Variants in CLVS1 observed in about 807,000 individuals in gnomAD.
CLVS1 encodes clavesin-1.
CLVS1 carries 10 observed loss-of-function variants against 33.1 expected under a neutral mutation model. That is an observed-to-expected ratio of 0.30 (90% CI 0.19 to 0.51). The LOEUF (loss-of-function observed/expected upper bound fraction) is 0.51, where lower values mean the gene tolerates loss of function less well. Among genes scored for constraint, CLVS1 ranks in the 20% least tolerant of loss-of-function variants. The pLI is 0.97. For synonymous variants in CLVS1, 163 were observed against 166.1 expected (o/e 0.98, Z 0.14); for missense variants, 343 against 433.4 (o/e 0.79, Z 1.85).
chr8:61,326,934 T>C (rs559715495), intron 2 of CLVS1, among the ~76,000 whole-genome samples: 16 of 152,340 alleles, frequency 1.1e-4, no homozygotes, highest in African/African-American at 3.6e-4. Context: ...TTTTATCTTT[T>C]AATTCTCAAA....
intron 3 of CLVS1, among the ~76,000 whole-genome samples, chr8:61,379,700 TTTATTAGG>T (rs1813787685): frequency 6.6e-6 from 1 of 152,168 alleles, no homozygotes; most frequent in Non-Finnish European, 1.5e-5. Context: ...ATGCCAAAGA[TTTATTAGG>T]TAGTGCTCTT....
intron 2 of CLVS1, among the ~76,000 whole-genome samples, chr8:61,271,914 C>A (rs1215328002): frequency 6.6e-6 from 1 of 151,694 alleles, no homozygotes; most frequent in African/African-American, 2.4e-5. Context: ...TGTGTCTCTG[C>A]ACGTGAGATG....
intron 1 of CLVS1, among the ~76,000 whole-genome samples, chr8:61,115,349 AT>A (rs1310971863): frequency 3.5e-5 from 5 of 144,744 alleles, no homozygotes; most frequent in African/African-American, 1.4e-4. Context: ...TTTTTATTTT[AT>A]TTTTATTTTT....
the CLVS1 span, among the ~76,000 whole-genome samples, chr8:60,983,086 G>C: frequency 2.0e-5 from 3 of 152,222 alleles, no homozygotes; most frequent in South Asian, 6.2e-4. Context: ...TTTCTTCCCT[G>C]AGGGCTTGAA....
intron 1 of CLVS1, among the ~76,000 whole-genome samples, chr8:61,118,584 T>C (rs1805791781): frequency 6.6e-6 from 1 of 151,622 alleles, no homozygotes; most frequent in Admixed American, 6.6e-5. Context: ...TTTGTTCTCA[T>C]TGGTTTCAAA....
At chr8:61,057,310 A>C (rs976211141) in intron 1 of CLVS1, 1 of 151,844 alleles carries the variant, frequency 6.6e-6, no homozygotes, top group African/African-American at 2.4e-5. Flanking sequence ...ATAAACAGCT[A>C]TCTACTCCAG....
At chr8:61,444,655 T>G (rs1359937105) in intron 3 of CLVS1, among the ~76,000 whole-genome samples, 2 of 152,146 alleles carry the variant, frequency 1.3e-5, no homozygotes, top group African/African-American at 4.8e-5. Flanking sequence ...CACTACAGAA[T>G]GGAGTCACAT....
At chr8:61,096,847 C>T (rs976581213) in intron 1 of CLVS1, among the ~76,000 whole-genome samples, 23 of 152,260 alleles carry the variant, frequency 1.5e-4, no homozygotes, top group African/African-American at 5.3e-4. Flanking sequence ...GTGATTCCTA[C>T]CCCTCACCCC....
At chr8:61,104,924 GT>G (rs1471563788) in intron 1 of CLVS1, among the ~76,000 whole-genome samples, 1 of 152,144 alleles carries the variant, frequency 6.6e-6, no homozygotes, top group Non-Finnish European at 1.5e-5. Flanking sequence ...CGACTCCTGG[GT>G]TCAAGCAATT....
At chr8:60,984,801 G>A in the CLVS1 span, among the ~76,000 whole-genome samples, 2 of 152,144 alleles carry the variant, frequency 1.3e-5, no homozygotes, top group African/African-American at 2.4e-5. Context: ...TTGTAGATGA[G>A]GAAATGGTGG....
In CLVS1 at chr8:61,339,988, AAG is replaced by A. The variant is rs201038960; in HGVS notation, c.456-36613_456-36612del. ...AGAAAGAAAGAGAAAGAAAGTGAAA[AAG>A]AGAAAATGAAAGAAAGGAAGAAAAA... On this transcript the variant is annotated intron_variant, in intron 2 of 5. Transcript: ENST00000325897. Among the ~76,000 whole-genome samples, 727 of 151,780 alleles carry A rather than the reference AAG, an allele frequency of 4.8e-3. 10 individuals carry two copies. The highest frequency in any genetic ancestry group is 0.017 in the African/African-American group (684 of 41,418).
chr8:61,468,373 T>A (rs1235885441), intron 5 of CLVS1, among the ~76,000 whole-genome samples: 1 of 152,180 alleles, frequency 6.6e-6, no homozygotes, highest in African/African-American at 2.4e-5. Flanking sequence ...TTAAAAAATG[T>A]TTGTTTGTTG....
At chr8:61,238,377 A>T (rs2129313680) in intron 2 of CLVS1, among the ~76,000 whole-genome samples, 1 of 149,088 alleles carries the variant, frequency 6.7e-6, no homozygotes, top group African/African-American at 2.5e-5. Context: ...CTTTCTTCTG[A>T]CTGTCCCTCT....
At chr8:61,147,155 CTTG>C (rs1359872770) in intron 2 of CLVS1, among the ~76,000 whole-genome samples, 1 of 152,166 alleles carries the variant, frequency 6.6e-6, no homozygotes, top group African/African-American at 2.4e-5. Context: ...ATTGAAAGTC[CTTG>C]TTGATGCTTC....
chr8:61,216,407 C>T (rs1327380168), intron 2 of CLVS1, among the ~76,000 whole-genome samples: 1 of 152,184 alleles, frequency 6.6e-6, no homozygotes, highest in Non-Finnish European at 1.5e-5. Flanking sequence ...TCTAGTCTGT[C>T]TGAAGGAAGG....
rs751759154 is a variant in CLVS1 at position 61,163,878 on chromosome 8, G to C, written c.-152+32018G>C. Among the ~76,000 whole-genome samples, 5 of 152,270 alleles carry C rather than the reference G, an allele frequency of 3.3e-5. No individual in the cohort carries two copies. In the East Asian group the frequency reaches 9.7e-4, roughly 29 times the overall value. On this transcript the variant is annotated intron_variant, in intron 2 of 2. Transcript: ENST00000522621. ...AAGTCAATGGCGTGTCTGCCATGGC[G>C]GCAAACAGCTGAGCAAAAGCTCAGC...
chr8:61,192,811 G>A (rs28792822), intron 2 of CLVS1, among the ~76,000 whole-genome samples: 3 of 152,128 alleles, frequency 2.0e-5, no homozygotes, highest in South Asian at 2.1e-4. Context: ...AAATCAAAAC[G>A]ACAATGAGAT....
At chr8:61,374,916 A>C (rs1478060658) in intron 2 of CLVS1, among the ~76,000 whole-genome samples, 7 of 152,208 alleles carry the variant, frequency 4.6e-5, no homozygotes, top group African/African-American at 1.7e-4. Context: ...ATTTTTAGTA[A>C]GAAGAACTAT....
At chr8:61,029,971 C>T in the CLVS1 span, among the ~76,000 whole-genome samples, 2 of 152,148 alleles carry the variant, frequency 1.3e-5, no homozygotes, top group African/African-American at 4.8e-5. Context: ...GTAGAAAAGT[C>T]GAGGTGTGTT....
Sources: gnomAD v4.1 joint callset for allele counts (sites outside exome capture counted in the v4.1 genomes callset) on GRCh38, gnomAD v4.1.1 for gene constraint, MANE v1.5 for transcripts, NCBI Gene and HGNC (gene_info 2026-07-23, HGNC 2026-07-21) for gene names.